Variants in MUCL1 observed in about 807,000 individuals in gnomAD.
MUCL1 encodes mucin like 1, also known as mucin-like protein 1.
In MUCL1, 11 loss-of-function variants were observed where a neutral mutation model predicts 9.2. The ratio of observed to expected loss-of-function variants is 1.19; its 90% CI spans 0.75 to 1.97. The LOEUF (loss-of-function observed/expected upper bound fraction) is 1.97. Ranked by LOEUF, MUCL1 falls within the 30% of genes most tolerant of loss-of-function variation. The pLI is 0.00. For missense variants in MUCL1, 144 were observed against 110.9 expected, an observed-to-expected ratio of 1.30 and a Z score of -1.34; for synonymous variants, 48 against 40.5, an observed-to-expected ratio of 1.19 and a Z score of -0.71.
chr12:54,852,833 C>T (rs898508401), upstream of MUCL1, among the ~76,000 whole-genome samples: 6 of 151,978 alleles, frequency 3.9e-5, no homozygotes, highest in South Asian at 1.2e-3. Context: ...TTTAAGTCTT[C>T]CTTCCTTCTT....
At chr12:54,832,084 G>A (rs1959186193) in intron 1 of MUCL1, among the ~76,000 whole-genome samples, 1 of 152,058 alleles carries the variant, frequency 6.6e-6, no homozygotes, top group Non-Finnish European at 1.5e-5. Flanking sequence ...AAAGTTAGAT[G>A]ACTAGTTGTT....
upstream of MUCL1, among the ~76,000 whole-genome samples, chr12:54,853,803 C>T (rs951909966): frequency 2.6e-5 from 4 of 152,150 alleles, no homozygotes; most frequent in African/African-American, 9.7e-5. Flanking sequence ...ATTTTTCTAA[C>T]ATCTAGCATT....
exon 1 of MUCL1, chr12:54,830,766 G>A (rs1592243877): frequency 1.3e-5 from 2 of 152,050 alleles, no homozygotes; most frequent in East Asian, 1.9e-4. Context: ...CTCCATTGGG[G>A]GCTCTCCTTA....
chr12:54,858,324 A>G lies in MUCL1; in HGVS notation c.*82A>G. 6.8e-7 allele frequency: 1 copy of G among 1,477,038 alleles called. No homozygotes were observed. The allele number at this position is 1,477,038 out of a possible 1,614,324, so 91.5% of individuals were successfully genotyped here. A position where few individuals can be genotyped will look rare whatever the true frequency, so the allele number is the denominator to read the frequency against. ...TTTCATCCAACTACTTACCTTGCCTACGATATCCCCTTTATCTCTAATCAG... is the reference window on the plus strand; with the variant it reads ...TTTCATCCAACTACTTACCTTGCCTGCGATATCCCCTTTATCTCTAATCAG... On this transcript the variant is annotated 3_prime_UTR_variant, in exon 4 of 4. Coordinates refer to ENST00000308796, the MANE Select transcript of MUCL1 (RefSeq NM_058173.3).
intron 3 of MUCL1, among the ~76,000 whole-genome samples, chr12:54,857,467 G>T (rs2135947887): frequency 6.6e-6 from 1 of 152,036 alleles, no homozygotes; most frequent in South Asian, 2.1e-4. Context: ...CCTATTCTGG[G>T]TTCACTTTTT....
intron 1 of MUCL1, among the ~76,000 whole-genome samples, chr12:54,846,489 T>G (rs1959258942): frequency 6.6e-6 from 1 of 152,280 alleles, no homozygotes; most frequent in Middle Eastern, 3.4e-3. Flanking sequence ...TGGGAGAGTA[T>G]TTTGTGGTTT....
chr12:54,849,992 C>T (rs1422081189), upstream of MUCL1, among the ~76,000 whole-genome samples: 1 of 152,156 alleles, frequency 6.6e-6, no homozygotes, highest in Non-Finnish European at 1.5e-5. Context: ...CCAGCAACTG[C>T]AGACCAGCTT....
Position 54,855,107 on chromosome 12 carries a change from C to T in MUCL1, c.59-9C>T. The T allele has an allele frequency of 6.8e-6, 11 of 1,612,874 alleles. No individual in the cohort carries two copies. Among genetic ancestry groups the T allele is most frequent in the Non-Finnish European group, 8.5e-6 (10 of 1,179,346 alleles). Reference sequence around the variant, plus strand: ...GCTAACATCTTAATTTTTCCTTCTTCTCTTTCAGAGAATCCGACAACAGCT... The same window carrying T: ...GCTAACATCTTAATTTTTCCTTCTTTTCTTTCAGAGAATCCGACAACAGCT... On this transcript the variant is annotated splice_polypyrimidine_tract_variant and intron_variant, in intron 1 of 3. Transcript: ENST00000308796.
At chr12:54,843,645 A>C (rs1010815469) in intron 1 of MUCL1, among the ~76,000 whole-genome samples, 8 of 152,256 alleles carry the variant, frequency 5.3e-5, no homozygotes, top group African/African-American at 1.9e-4. Context: ...AGTGTCATAC[A>C]GAATGAGACA....
chr12:54,855,691 A>C (rs963513917), intron 2 of MUCL1, among the ~76,000 whole-genome samples: 3 of 152,206 alleles, frequency 2.0e-5, no homozygotes, highest in Non-Finnish European at 4.4e-5. Context: ...CCTGAAAACG[A>C]AGGTGGTAGA....
intron 1 of MUCL1, among the ~76,000 whole-genome samples, chr12:54,845,121 C>A (rs773140327): frequency 1.3e-5 from 2 of 152,176 alleles, no homozygotes; most frequent in African/African-American, 4.8e-5. Context: ...GGCCAGAATG[C>A]CCACACATGG....
intron 1 of MUCL1, among the ~76,000 whole-genome samples, chr12:54,840,932 T>A (rs755013659): frequency 6.6e-6 from 1 of 152,206 alleles, no homozygotes; most frequent in Non-Finnish European, 1.5e-5. Flanking sequence ...AACTGCCCCA[T>A]GCCATAAACC....
exon 1 of MUCL1, chr12:54,839,444 G>T (rs991517294): frequency 1.4e-6 from 1 of 701,910 alleles, no homozygotes; most frequent in African/African-American, 1.7e-5. Context: ...AGTGACTAAA[G>T]CAGGTGGGTA....
At position 54,854,650 on chromosome 12, in the gene MUCL1, G is replaced by A; in HGVS notation, c.58+10G>A. On this transcript the variant is annotated intron_variant, in intron 1 of 3. Transcript: ENST00000308796. ...TTTCTGGTCTCTGCCCGTAAGTAAAGATTCTTACCTGAACATAAGTTTTGT... is the reference window on the plus strand; with the variant it reads ...TTTCTGGTCTCTGCCCGTAAGTAAAAATTCTTACCTGAACATAAGTTTTGT... The A allele has an allele frequency of 6.2e-7, 1 of 1,609,842 alleles. No homozygotes were observed. The highest frequency in any genetic ancestry group is 8.5e-7 in the Non-Finnish European group (1 of 1,176,528).
At chr12:54,831,883 A>G (rs1411361141) in intron 1 of MUCL1, among the ~76,000 whole-genome samples, 1 of 152,140 alleles carries the variant, frequency 6.6e-6, no homozygotes, top group African/African-American at 2.4e-5. Context: ...TTTCACAATT[A>G]TCTACCTCCT....
upstream of MUCL1, among the ~76,000 whole-genome samples, chr12:54,837,294 T>A (rs550110424): frequency 6.6e-6 from 1 of 152,308 alleles, no homozygotes; most frequent in Admixed American, 6.5e-5. Context: ...AGGATTGTAA[T>A]GTTTTCTTGT....
chr12:54,843,415 G>A (rs532687788), intron 1 of MUCL1, among the ~76,000 whole-genome samples: 14 of 152,278 alleles, frequency 9.2e-5, no homozygotes, highest in Admixed American at 8.5e-4. Flanking sequence ...AACTTTGAAA[G>A]ACAGAATATT....
intron 3 of MUCL1, among the ~76,000 whole-genome samples, chr12:54,857,231 AGTGT>A (rs34504933): frequency 0.02 from 2,786 of 142,498 alleles, 32 homozygotes; most frequent in African/African-American, 0.025. Flanking sequence ...TAAATCAGGT[AGTGT>A]GTGTGTGTGT....
chr12:54,856,140 A>C (rs1405315580), intron 2 of MUCL1, among the ~76,000 whole-genome samples: 1 of 152,122 alleles, frequency 6.6e-6, no homozygotes, highest in African/African-American at 2.4e-5. Context: ...GAAGTGTATT[A>C]ATTTCTCCTG....
Sources: gnomAD v4.1 joint callset for allele counts (sites outside exome capture counted in the v4.1 genomes callset) on GRCh38, gnomAD v4.1.1 for gene constraint, MANE v1.5 for transcripts, NCBI Gene and HGNC (gene_info 2026-07-23, HGNC 2026-07-21) for gene names.